The following FBXO17 variants were observed in gnomAD, a reference collection of about 807,000 sequenced individuals.
The protein encoded by FBXO17 is F-box only protein 17.
In FBXO17, 43 loss-of-function variants were observed where a neutral mutation model predicts 34.1. The ratio of observed to expected loss-of-function variants is 1.26; its 90% CI spans 0.99 to 1.62. The LOEUF is 1.62. FBXO17 is among the 40% of genes most tolerant of loss of function. The pLI is 0.00. For missense variants in FBXO17, 424 were observed against 386.7 expected (o/e 1.10, Z -0.81); for synonymous variants, 169 against 166.0 (o/e 1.02, Z -0.14).
At chr19:38,946,172 T>G (rs933313763) in intron 4 of FBXO17, 3 of 448,850 alleles carry the variant, frequency 6.7e-6, no homozygotes, top group Non-Finnish European at 1.2e-5. Context: ...ACCCTGGGCA[T>G]CCACAAGGTG....
chr19:38,969,932 T>C (rs1600206406), intron 1 of FBXO17, among the ~76,000 whole-genome samples: 1 of 151,832 alleles, frequency 6.6e-6, no homozygotes, highest in South Asian at 2.1e-4. Context: ...AAAATGAAAA[T>C]GTGCCTGCCC....
rs775636840 is a variant in FBXO17 at position 38,950,322 on chromosome 19, C to G, written c.-3G>C. ...CGCCGCGATAGCCGGGCGCCCATCT[C>G]CAGTAGCCAGAGTCCTGCAGGTCGA... On this transcript the variant is annotated 5_prime_UTR_variant, in exon 2 of 6. Transcript: ENST00000292852. The G allele has an allele frequency of 7.0e-7, 1 of 1,427,806 alleles. No individual in the cohort carries two copies. Among genetic ancestry groups the G allele is most frequent in the Non-Finnish European group, 9.1e-7 (1 of 1,099,576 alleles). The allele number at this position is 1,427,806 out of a possible 1,614,324, so 88.4% of individuals were successfully genotyped here. A position where few individuals can be genotyped will look rare whatever the true frequency, so the allele number is the denominator to read the frequency against.
At chr19:38,949,704 C>A in intron 2 of FBXO17, 2 of 570,460 alleles carry the variant, frequency 3.5e-6, no homozygotes, top group Non-Finnish European at 3.1e-6. Context: ...TCTGCATCCC[C>A]TCTGCATACC....
chr19:38,972,680 T>C (rs1345352220), intron 1 of FBXO17, among the ~76,000 whole-genome samples: 1 of 152,236 alleles, frequency 6.6e-6, no homozygotes, highest in East Asian at 1.9e-4. Context: ...CAATTTTTAC[T>C]ATGAAATTTC....
chr19:38,947,910 C>T (rs1975009725), intron 3 of FBXO17, among the ~76,000 whole-genome samples: 1 of 150,382 alleles, frequency 6.6e-6, no homozygotes, highest in South Asian at 2.2e-4. Context: ...ATCTATGTCA[C>T]AGGGTTGTTG....
intron 1 of FBXO17, among the ~76,000 whole-genome samples, chr19:38,966,321 G>GT (rs1568445631): frequency 1.3e-5 from 2 of 149,586 alleles, no homozygotes; most frequent in Non-Finnish European, 3.0e-5. Flanking sequence ...GTGTGTGTGT[G>GT]GAGATGGGGT....
chr19:38,955,657 T>C (rs1975157597), intron 1 of FBXO17, among the ~76,000 whole-genome samples: 2 of 151,834 alleles, frequency 1.3e-5, no homozygotes, highest in Admixed American at 6.6e-5. Context: ...CTTATTTTTG[T>C]ATCGTTAGTA....
intron 1 of FBXO17, among the ~76,000 whole-genome samples, chr19:38,964,949 C>T (rs1373367260): frequency 1.3e-5 from 2 of 152,034 alleles, no homozygotes; most frequent in African/African-American, 4.8e-5. Context: ...CACAGTCATC[C>T]ATCCAACTTG....
In FBXO17 at chr19:38,963,368, C is replaced by G. The variant is rs988114904; in HGVS notation, c.-18+12218G>C. Reference sequence around the variant, plus strand: ...GGAGGGCAGTGGCGCCATCATAGCTCACTGCTGCCATGACCTCCCAGGCTC... The same window carrying G: ...GGAGGGCAGTGGCGCCATCATAGCTGACTGCTGCCATGACCTCCCAGGCTC... On this transcript the variant is annotated intron_variant, in intron 1 of 5. Coordinates refer to ENST00000292852, the MANE Select transcript of FBXO17 (RefSeq NM_024907.7). Among the ~76,000 whole-genome samples, 39 of 151,312 alleles carry G rather than the reference C, an allele frequency of 2.6e-4. 1 individual carries two copies. The highest frequency in any genetic ancestry group is 9.5e-4 in the African/African-American group (39 of 41,108).
At position 38,955,314 on chromosome 19, in the gene FBXO17, A is replaced by C. The variant is rs1208345739; in HGVS notation, c.-17-4978T>G. Among the ~76,000 whole-genome samples the C allele has an allele frequency of 4.0e-5, 6 of 151,548 alleles. No homozygotes were observed. The East Asian group carries it at 1.2e-3, about 29-fold the overall frequency. On this transcript the variant is annotated intron_variant, in intron 1 of 5. Transcript: ENST00000292852. Reference sequence around the variant, plus strand: ...TGTGATCATGGCTCACTGCAGCCTCAACCTCCCAGGCTCAAGTGATCCTCC... The same window carrying C: ...TGTGATCATGGCTCACTGCAGCCTCCACCTCCCAGGCTCAAGTGATCCTCC...
In FBXO17 at chr19:38,950,029, C is replaced by T. The variant is rs998187489; in HGVS notation, c.291G>A (p.Ala97=). The change falls in exon 2 of 6, where the codon GCG becomes GCA. Residue 97 remains alanine (A), a synonymous_variant. Coordinates refer to ENST00000292852, the MANE Select transcript of FBXO17 (RefSeq NM_024907.7). Reference sequence around the variant, plus strand: ...CGAAGGGCGCGCGCAGACAGTAGCGCGCCAGGGCGCACAGCGGGAACTCCT... The same window carrying T: ...CGAAGGGCGCGCGCAGACAGTAGCGTGCCAGGGCGCACAGCGGGAACTCCT... The part of the protein sequence containing the change: ...DKEEFPLCAL[A]RYCLRAPFGR... 10 of 1,564,342 alleles carry T rather than the reference C, an allele frequency of 6.4e-6. No individual in the cohort carries two copies. Among genetic ancestry groups the T allele is most frequent in the Admixed American group, 3.8e-5 (2 of 52,948 alleles).
intron 1 of FBXO17, among the ~76,000 whole-genome samples, chr19:38,963,121 T>G (rs76374892): frequency 0.013 from 1,948 of 152,268 alleles, 28 homozygotes; most frequent in Non-Finnish European, 0.019. Context: ...TTTAAATTAC[T>G]GTGTGGTTTG....
intron 1 of FBXO17, among the ~76,000 whole-genome samples, chr19:38,952,360 C>T (rs1202931501): frequency 1.3e-5 from 2 of 152,216 alleles, no homozygotes; most frequent in African/African-American, 2.4e-5. Flanking sequence ...GTGCCAGCTA[C>T]TGTGACCTTT....
rs115628400 is a variant in FBXO17, at chr19:38,950,508, G to C, written c.-17-172C>G. 8.4e-3 allele frequency among the ~76,000 whole-genome samples: 1,272 copies of C among 152,306 alleles called. 11 individuals are homozygous for C. Among genetic ancestry groups the C allele is most frequent in the African/African-American group, 0.024 (1,000 of 41,582 alleles). ...AGGCCTTTCCCAATCTTCCCCACTT[G>C]GGTAAAAGACCCCTGGTCTGACTCT... On this transcript the variant is annotated intron_variant, in intron 1 of 5. Transcript: ENST00000292852.
chr19:38,946,277 G>A (rs1974981588), intron 4 of FBXO17, 195 bp downstream of exon 4: 6 of 928,260 alleles, frequency 6.5e-6, no homozygotes, highest in East Asian at 2.7e-5. Flanking sequence ...GGGCAGGAGT[G>A]CAGAGTGGGG....
chr19:38,945,335 G>GGAGGAGCCTGGGT (rs1974960993), intron 4 of FBXO17: 1 of 581,214 alleles, frequency 1.7e-6, no homozygotes, highest in Non-Finnish European at 3.0e-6. Flanking sequence ...AGAGCCTGGG[G>GGAGGAGCCTGGGT]GAGGAGCCTG....
intron 3 of FBXO17, 125 bp from the exon 4 acceptor site, chr19:38,946,692 T>A: frequency 7.3e-7 from 1 of 1,366,838 alleles, no homozygotes; most frequent in Non-Finnish European, 9.9e-7. Context: ...GGGTTTGCTC[T>A]AGCAGACCTG....
chr19:38,948,175 CCT>C (rs1457506942), intron 3 of FBXO17, among the ~76,000 whole-genome samples: 3 of 151,928 alleles, frequency 2.0e-5, no homozygotes, highest in South Asian at 4.2e-4. Context: ...GGGGTTTCCC[CCT>C]GTTGGCCAGG....
rs758261593 is a variant in FBXO17 at position 38,945,071 on chromosome 19, G to C, written c.591C>G (p.Tyr197Ter). 1 of 1,614,230 alleles carries C rather than the reference G, an allele frequency of 6.2e-7. No homozygotes were observed. The highest frequency in any genetic ancestry group is 1.7e-5 in the Admixed American group (1 of 60,022). Residue 197 changes from tyrosine to a stop codon, truncating the protein, a stop_gained, in exon 5 of 6, where the codon TAC becomes TAG. Transcript: ENST00000292852. LOFTEE classifies it high-confidence loss of function. ...CATCCAGAAGGCGGACCCGGAGCTGGTAGACGCAGCCGCAGTTCTCTCGAG... is the reference window on the plus strand; with the variant it reads ...CATCCAGAAGGCGGACCCGGAGCTGCTAGACGCAGCCGCAGTTCTCTCGAG... ...WGARENCGCV[Y>*]QLRVRLLDVY...
Sources: allele counts gnomAD v4.1 joint callset (sites outside exome capture counted in the v4.1 genomes callset), GRCh38; gene constraint gnomAD v4.1.1; transcripts MANE v1.5; gene names NCBI Gene and HGNC (gene_info 2026-07-23, HGNC 2026-07-21).